The following TICRR variants were observed in gnomAD, a reference collection of about 807,000 sequenced individuals.
TICRR encodes the protein treslin.
TICRR carries 132 observed loss-of-function variants against 178.1 expected under a neutral mutation model. The ratio of observed to expected loss-of-function variants is 0.74; its 90% CI spans 0.64 to 0.86. The LOEUF (loss-of-function observed/expected upper bound fraction) is 0.86. TICRR is among the 40% of genes least tolerant of loss of function. The pLI is 0.00. For synonymous variants in TICRR, 991 were observed against 900.7 expected, an observed-to-expected ratio of 1.10 and a Z score of -1.79; for missense variants, 2,587 against 2,334.3, an observed-to-expected ratio of 1.11 and a Z score of -2.23.
At position 89,582,835 on chromosome 15, in the gene TICRR, T is replaced by A. The variant is rs763648117; in HGVS notation, c.804T>A (p.Ser268Arg). 1.2e-5 allele frequency: 20 copies of A among 1,614,104 alleles called. No homozygotes were observed. The highest frequency in any genetic ancestry group is 3.4e-6 in the Non-Finnish European group (4 of 1,180,038). The change falls in exon 2 of 22, where the codon AGT (serine) becomes AGA (arginine). Residue 268 changes from serine (S) to arginine (R), a missense_variant. By Grantham distance (110) the Ser-to-Arg change is moderately radical. Transcript: ENST00000268138. Reference sequence around the variant, plus strand: ...TCAGGAGTGGAATAAAGCTGTCAAGTGAACCTCATCTTTCTCCGTGGATTT... The same window carrying A: ...TCAGGAGTGGAATAAAGCTGTCAAGAGAACCTCATCTTTCTCCGTGGATTT... ...MLLRSGIKLS[S>R]EPHLSPWISM... is the part of the protein sequence containing the mutation.
rs1300404171 is a variant in TICRR, at chr15:89,605,720, A to G, written c.2665-1048A>G. Among the ~76,000 whole-genome samples the G allele has an allele frequency of 5.3e-5, 8 of 152,354 alleles. No homozygotes were observed. In the East Asian group the frequency reaches 1.3e-3, roughly 26 times the overall value. ...TTTATAAGAGTTATTAATCAATATA[A>G]GTAAGAATGATCACATCTCATGTCT... is the stretch of plus-strand genomic sequence containing the variant. On this transcript the variant is annotated intron_variant, in intron 13 of 21. Coordinates refer to ENST00000268138, the MANE Select transcript of TICRR (RefSeq NM_152259.4).
chr15:89,609,392 G>A (rs188824652), intron 15 of TICRR, among the ~76,000 whole-genome samples: 12 of 151,802 alleles, frequency 7.9e-5, no homozygotes, highest in African/African-American at 2.9e-4. Context: ...GGGATTATAG[G>A]CATGAGCCAC....
At chr15:89,614,370 A>G (rs988708595) in intron 15 of TICRR, among the ~76,000 whole-genome samples, 4 of 148,580 alleles carry the variant, frequency 2.7e-5, no homozygotes, top group South Asian at 2.1e-4. Flanking sequence ...GCTGGAGTGC[A>G]GTGGTATGAT....
intron 16 of TICRR, among the ~76,000 whole-genome samples, chr15:89,617,074 C>T (rs973155420): frequency 2.0e-5 from 3 of 152,186 alleles, no homozygotes; most frequent in African/African-American, 7.2e-5. Flanking sequence ...GGAGCTAGCT[C>T]ACTGCCCTCC....
At position 89,624,886 on chromosome 15, in the gene TICRR, C is replaced by A; in HGVS notation, c.4576C>A (p.His1526Asn). ...GSPLMPSRDV[H>N]CTTDGRQCQA... ...TCCTCTGATGCCTTCCCGTGACGTG[C>A]ACTGTACCACAGATGGGAGACAGTG... is the stretch of plus-strand genomic sequence containing the variant. Residue 1526 changes from histidine to asparagine, a missense_variant, in exon 20 of 22, where the codon CAC (histidine) becomes AAC (asparagine). Physicochemically the swap from His to Asn is moderately conservative, Grantham distance 68 (BLOSUM62 1). Transcript: ENST00000268138. 6.2e-7 allele frequency: 1 copy of A among 1,614,148 alleles called. No homozygotes were observed. Among genetic ancestry groups the A allele is most frequent in the Non-Finnish European group, 8.5e-7 (1 of 1,180,032 alleles).
intron 16 of TICRR, 77 bp from the exon 17 acceptor site, chr15:89,618,075 T>G: frequency 2.1e-6 from 3 of 1,410,458 alleles, no homozygotes; most frequent in Non-Finnish European, 3.0e-6. Flanking sequence ...TCTTGTTAAG[T>G]GAGAAGCTGC....
chr15:89,602,701 A>C, intron 12 of TICRR, 95 bp from the exon 13 acceptor site: 1 of 587,398 alleles, frequency 1.7e-6, no homozygotes, highest in Non-Finnish European at 2.6e-6. Flanking sequence ...CTTTTATTTA[A>C]ATCATATTTT....
chr15:89,625,707 T>A lies in TICRR; in HGVS notation c.5397T>A (p.Val1799=), dbSNP rs758269362. The change falls in exon 20 of 22, where the codon GTT becomes GTA. Residue 1799 remains valine, a synonymous_variant. Coordinates refer to ENST00000268138, the MANE Select transcript of TICRR (RefSeq NM_152259.4). ...GTGACCTGAGAGAAGATTCAGAAGT[T>A]AGTAAGAGTAAAGAGGGGTCTCCAA... ...RICDLREDSE[V]SKSKEGSPSW... 1 of 1,613,402 alleles carries A rather than the reference T, an allele frequency of 6.2e-7. No homozygotes were observed. The highest frequency in any genetic ancestry group is 1.7e-5 in the Admixed American group (1 of 60,014).
Position 89,575,677 on chromosome 15 carries a change from C to A in TICRR, c.91C>A (p.Leu31Ile). The A allele has an allele frequency of 6.3e-7, 1 of 1,598,006 alleles. No individual in the cohort carries two copies. The highest frequency in any genetic ancestry group is 8.5e-7 in the Non-Finnish European group (1 of 1,174,112). Residue 31 changes from leucine to isoleucine, a missense_variant, in exon 1 of 22, where the codon CTC becomes ATC. Transcript: ENST00000268138. ...SRVRRAALRL[L>I]TYLSCRFGLA... ...GGTCCGGCGGGCCGCCCTGCGCCTC[C>A]TCACCTATCTGAGTTGCCGATTCGG...
chr15:89,589,284 G>T (rs568363115), intron 4 of TICRR, among the ~76,000 whole-genome samples: 7 of 152,168 alleles, frequency 4.6e-5, no homozygotes, highest in Non-Finnish European at 1.0e-4. Flanking sequence ...TGGTTTCAAC[G>T]CAGCTAATGG....
chr15:89,596,944 A>G (rs1370523702), intron 7 of TICRR, among the ~76,000 whole-genome samples: 1 of 152,150 alleles, frequency 6.6e-6, no homozygotes, highest in Non-Finnish European at 1.5e-5. Context: ...TCTGACATCC[A>G]TAATATAAGG....
rs759477061 is a variant in TICRR at position 89,589,143 on chromosome 15, G to A, written c.1412-2904G>A. 2.0e-5 allele frequency among the ~76,000 whole-genome samples: 3 copies of A among 152,184 alleles called. No homozygotes were observed. The East Asian group carries it at 5.8e-4, about 29-fold the overall frequency. ...ATTTTACGTGTGGAAGGGCTAGGCTGTGGTGCCAGGATGGGAGACGGAAGG... is the reference window on the plus strand; with the variant it reads ...ATTTTACGTGTGGAAGGGCTAGGCTATGGTGCCAGGATGGGAGACGGAAGG... On this transcript the variant is annotated intron_variant, in intron 4 of 21. Coordinates refer to ENST00000268138, the MANE Select transcript of TICRR (RefSeq NM_152259.4).
chr15:89,576,145 C>T lies in TICRR; in HGVS notation c.559C>T (p.Gln187Ter). The T allele has an allele frequency of 1.2e-6, 2 of 1,607,652 alleles. No individual in the cohort carries two copies. The highest frequency in any genetic ancestry group is 1.7e-6 in the Non-Finnish European group (2 of 1,179,986). ...CCAGCGCCTGCCGCCCACCCCTAAG[C>T]AGGTGATGGAGAAGTTGTTGCCCAA... ...QAQRLPPTPK[Q>*]VMEKLLPKRV... Residue 187 changes from glutamine to a stop codon, truncating the protein, a stop_gained, in exon 1 of 22, where the codon CAG (glutamine) becomes TAG (stop). Coordinates refer to ENST00000268138, the MANE Select transcript of TICRR (RefSeq NM_152259.4). LOFTEE classifies it high-confidence loss of function.
In TICRR at chr15:89,595,378, ATGT is replaced by A. The variant is rs1962979860; in HGVS notation, c.1682-10_1682-8del. ...AAGGCAATTTACTTTCCCTCCTCTG[ATGT>A]TGTTTTGGTAGGAGGGGTCCCTCGT... On this transcript the variant is annotated splice_polypyrimidine_tract_variant and intron_variant, in intron 6 of 21. Coordinates refer to ENST00000268138, the MANE Select transcript of TICRR (RefSeq NM_152259.4). 1.3e-6 allele frequency: 2 copies of A among 1,597,640 alleles called. No homozygotes were observed. The highest frequency in any genetic ancestry group is 8.6e-7 in the Non-Finnish European group (1 of 1,165,232).
intron 4 of TICRR, among the ~76,000 whole-genome samples, chr15:89,590,575 TCCAGTCTCCC>T (rs1962894341): frequency 6.6e-6 from 1 of 152,216 alleles, no homozygotes; most frequent in Non-Finnish European, 1.5e-5. Context: ...CGGCTTATTG[TCCAGTCTCCC>T]CACCATGCTC....
Position 89,625,615 on chromosome 15 carries a change from G to T in TICRR, c.5305G>T (p.Gly1769Trp). 6.2e-7 allele frequency: 1 copy of T among 1,613,236 alleles called. No individual in the cohort carries two copies. The highest frequency in any genetic ancestry group is 8.5e-7 in the Non-Finnish European group (1 of 1,179,994). Residue 1769 changes from glycine (G) to tryptophan (W), a missense_variant, in exon 20 of 22, where the codon GGG becomes TGG. Coordinates refer to ENST00000268138, the MANE Select transcript of TICRR (RefSeq NM_152259.4). ...AEEASSWGQF[G>W]LSSRKRVLLA... Reference sequence around the variant, plus strand: ...GGAAGCCTCTTCCTGGGGACAGTTTGGGTTGAGTTCCAGGAAGAGAGTCCT... The same window carrying T: ...GGAAGCCTCTTCCTGGGGACAGTTTTGGTTGAGTTCCAGGAAGAGAGTCCT...
At chr15:89,618,516 A>C (rs904476625) in intron 17 of TICRR, among the ~76,000 whole-genome samples, 1 of 152,226 alleles carries the variant, frequency 6.6e-6, no homozygotes, top group Non-Finnish European at 1.5e-5. Context: ...GCTTTTCACT[A>C]CATATTTTTT....
At chr15:89,583,771 C>G (rs1357448553) in intron 2 of TICRR, among the ~76,000 whole-genome samples, 1 of 152,056 alleles carries the variant, frequency 6.6e-6, no homozygotes, top group Non-Finnish European at 1.5e-5. Flanking sequence ...CACTGAGCCT[C>G]GACTTCCTGG....
Position 89,625,722 on chromosome 15 carries a change from G to GAT in TICRR, c.5412_5413insAT (p.Gly1805MetfsTer44), listed in dbSNP as rs762865486. The GAT allele has an allele frequency of 6.2e-7, 1 of 1,613,372 alleles. No individual in the cohort carries two copies. The highest frequency in any genetic ancestry group is 2.2e-5 in the East Asian group (1 of 44,882). On this transcript the variant is annotated frameshift_variant, in exon 20 of 22. Coordinates refer to ENST00000268138, the MANE Select transcript of TICRR (RefSeq NM_152259.4). LOFTEE classifies it high-confidence loss of function. ...ATTCAGAAGTTAGTAAGAGTAAAGAGGGGTCTCCAAGTTGGAGTGCATGGC... is the reference window on the plus strand; with the variant it reads ...ATTCAGAAGTTAGTAAGAGTAAAGAGATGGGTCTCCAAGTTGGAGTGCATGGC...
Sources: allele counts gnomAD v4.1 joint callset (sites outside exome capture counted in the v4.1 genomes callset), GRCh38; gene constraint gnomAD v4.1.1; transcripts MANE v1.5; gene names NCBI Gene and HGNC (gene_info 2026-07-23, HGNC 2026-07-21).